The following CCSER1 variants were observed in gnomAD, a reference collection of about 807,000 sequenced individuals.
The protein encoded by CCSER1 is coiled-coil serine rich protein 1, also known as serine-rich coiled-coil domain-containing protein 1.
A neutral mutation model predicts 82.0 loss-of-function variants in CCSER1; 41 were observed. That is an observed-to-expected ratio of 0.50 (90% CI 0.39 to 0.65). CCSER1 has a LOEUF of 0.65. Ranked by LOEUF, CCSER1 falls within the 30% of genes least tolerant of loss-of-function variation. CCSER1 has a pLI of 0.00. For missense variants in CCSER1, 1,119 were observed against 1,064.2 expected, an observed-to-expected ratio of 1.05 and a Z score of -0.72; for synonymous variants, 414 against 383.9, an observed-to-expected ratio of 1.08 and a Z score of -0.92.
chr4:90,894,949 A>T (rs1262124887), intron 8 of CCSER1, among the ~76,000 whole-genome samples: 1 of 152,018 alleles, frequency 6.6e-6, no homozygotes, highest in African/African-American at 2.4e-5. Flanking sequence ...ATTTAGATTA[A>T]TCAAGATAAA....
At chr4:91,119,828 AATATGTGTGTAAAGC>A (rs1380256149) in intron 10 of CCSER1, among the ~76,000 whole-genome samples, 1 of 152,090 alleles carries the variant, frequency 6.6e-6, no homozygotes, top group East Asian at 1.9e-4. Context: ...TATATGTATA[AATATGTGTGTAAAGC>A]ATATTTTTTA....
chr4:91,227,958 T>C (rs1738338930), intron 10 of CCSER1, among the ~76,000 whole-genome samples: 1 of 151,992 alleles, frequency 6.6e-6, no homozygotes, highest in African/African-American at 2.4e-5. Context: ...CTCTATTTGG[T>C]TTTTATTTTT....
At chr4:90,425,307 GGAGA>G (rs769432517) in intron 4 of CCSER1, among the ~76,000 whole-genome samples, 455 of 150,202 alleles carry the variant, frequency 3.0e-3, no homozygotes, top group African/African-American at 0.011. Context: ...AATGCATGAA[GGAGA>G]GAGAGAGAGA....
chr4:91,378,889 G>T (rs1381192382), intron 10 of CCSER1, among the ~76,000 whole-genome samples: 1 of 152,070 alleles, frequency 6.6e-6, no homozygotes, highest in African/African-American at 2.4e-5. Flanking sequence ...CTGTGGGTTT[G>T]CCATAGATAG....
At chr4:91,397,149 T>C (rs375781989) in intron 10 of CCSER1, among the ~76,000 whole-genome samples, 5 of 152,216 alleles carry the variant, frequency 3.3e-5, no homozygotes, top group African/African-American at 9.6e-5. Context: ...CATTTTGTCA[T>C]TGATTTCTTC....
At chr4:91,412,699 C>G (rs1316251981) in intron 10 of CCSER1, among the ~76,000 whole-genome samples, 1 of 152,022 alleles carries the variant, frequency 6.6e-6, no homozygotes, top group Non-Finnish European at 1.5e-5. Context: ...TTTATCATCC[C>G]AGATACCAAA....
intron 5 of CCSER1, among the ~76,000 whole-genome samples, chr4:90,530,482 G>A (rs971370874): frequency 4.6e-5 from 7 of 152,132 alleles, no homozygotes; most frequent in African/African-American, 7.2e-5. Flanking sequence ...GAGTGTGGGC[G>A]TACTCAAGAG....
intron 5 of CCSER1, among the ~76,000 whole-genome samples, chr4:90,512,640 AAT>A (rs1430695654): frequency 5.9e-5 from 9 of 152,140 alleles, no homozygotes; most frequent in Non-Finnish European, 1.2e-4. Context: ...AATAACTGAA[AAT>A]ATGTTTGTAT....
At chr4:91,481,358 G>T (rs1461616771) in intron 10 of CCSER1, among the ~76,000 whole-genome samples, 2 of 151,944 alleles carry the variant, frequency 1.3e-5, no homozygotes, top group Non-Finnish European at 2.9e-5. Context: ...TTCTCTCTGT[G>T]TTCTCACGTG....
At chr4:90,243,252 A>T (rs1417013667) in intron 1 of CCSER1, among the ~76,000 whole-genome samples, 4 of 150,740 alleles carry the variant, frequency 2.7e-5, no homozygotes, top group African/African-American at 9.8e-5. Flanking sequence ...TTATTTATTT[A>T]TTTACTATTT....
chr4:91,144,027 T>A (rs1560464516), intron 10 of CCSER1, among the ~76,000 whole-genome samples: 1 of 152,056 alleles, frequency 6.6e-6, no homozygotes, highest in Non-Finnish European at 1.5e-5. Context: ...TTTTGGTTTT[T>A]TTGGAATAGT....
At chr4:90,368,785 C>T (rs28568791) in intron 3 of CCSER1, among the ~76,000 whole-genome samples, 55,639 of 151,252 alleles carry the variant, frequency 0.37, 10,929 homozygotes, top group African/African-American at 0.48. Flanking sequence ...CACACACACA[C>T]TACTAAAAAA....
intron 5 of CCSER1, among the ~76,000 whole-genome samples, chr4:90,609,478 T>TGAGA (rs1425112279): frequency 1.9e-5 from 2 of 106,476 alleles, no homozygotes; most frequent in African/African-American, 1.4e-4. Context: ...GTTTTCCTTT[T>TGAGA]GATAGAACAA....
At chr4:90,210,864 A>G (rs1695711043) in intron 1 of CCSER1, among the ~76,000 whole-genome samples, 1 of 152,030 alleles carries the variant, frequency 6.6e-6, no homozygotes, top group South Asian at 2.1e-4. Context: ...TATGTAAAAC[A>G]TTTTGTTTTT....
intron 4 of CCSER1, among the ~76,000 whole-genome samples, chr4:90,408,235 A>G (rs575691430): frequency 3.9e-5 from 6 of 152,330 alleles, no homozygotes; most frequent in South Asian, 4.1e-4. Flanking sequence ...AAAGACAGCA[A>G]TAACCTCTGC....
At chr4:91,472,724 G>A (rs1757350168) in intron 10 of CCSER1, among the ~76,000 whole-genome samples, 1 of 152,128 alleles carries the variant, frequency 6.6e-6, no homozygotes, top group East Asian at 1.9e-4. Context: ...GAATAATATA[G>A]AGACAGAATC....
chr4:91,514,476 G>A (rs1484742219), intron 10 of CCSER1, among the ~76,000 whole-genome samples: 1 of 152,142 alleles, frequency 6.6e-6, no homozygotes, highest in Non-Finnish European at 1.5e-5. Flanking sequence ...GGTTGATCAA[G>A]TGGCATATTT....
At chr4:90,314,837 CTTTTTTTTTTTT>C (rs765931168) in intron 3 of CCSER1, among the ~76,000 whole-genome samples, 4 of 87,602 alleles carry the variant, frequency 4.6e-5, no homozygotes, top group African/African-American at 1.3e-4. Context: ...CTCAGATTTA[CTTTTTTTTTTTT>C]TTTTTTTTTT....
intron 5 of CCSER1, among the ~76,000 whole-genome samples, chr4:90,556,241 A>C (rs968739585): frequency 6.6e-6 from 1 of 152,132 alleles, no homozygotes; most frequent in Non-Finnish European, 1.5e-5. Context: ...ATAGAAAGAA[A>C]ACTTTAATTT....
Sources: allele counts gnomAD v4.1 joint callset (sites outside exome capture counted in the v4.1 genomes callset), GRCh38; gene constraint gnomAD v4.1.1; transcripts MANE v1.5; gene names NCBI Gene and HGNC (gene_info 2026-07-23, HGNC 2026-07-21).